The following LHFPL6 variants were observed in gnomAD, a reference collection of about 807,000 sequenced individuals.
LHFPL6 encodes LHFPL tetraspan subfamily member 6.
In LHFPL6, 9 loss-of-function variants were observed where a neutral mutation model predicts 20.6. The observed-to-expected ratio is 0.44, with a 90% CI of 0.26 to 0.76. The LOEUF (loss-of-function observed/expected upper bound fraction) is 0.76. LHFPL6 is among the 30% of genes least tolerant of loss of function. LHFPL6 has a pLI of 0.20. For synonymous variants in LHFPL6, 105 were observed against 98.7 expected, an observed-to-expected ratio of 1.06 and a Z score of -0.38; for missense variants, 218 against 253.5, an observed-to-expected ratio of 0.86 and a Z score of 0.95.
intron 3 of LHFPL6, among the ~76,000 whole-genome samples, chr13:39,362,504 G>A (rs1334055818): frequency 6.6e-6 from 1 of 152,182 alleles, no homozygotes; most frequent in East Asian, 1.9e-4. Context: ...ATATGTATAA[G>A]TATACACAAA....
chr13:39,400,761 C>A (rs1410821144), intron 2 of LHFPL6, among the ~76,000 whole-genome samples: 1 of 103,984 alleles, frequency 9.6e-6, no homozygotes, highest in South Asian at 3.6e-4. Flanking sequence ...CCAGCCTGGG[C>A]GACAGAGCGA....
chr13:39,496,820 T>C (rs140043168), intron 2 of LHFPL6, among the ~76,000 whole-genome samples: 94 of 152,298 alleles, frequency 6.2e-4, no homozygotes, highest in African/African-American at 1.8e-3. Flanking sequence ...GCATTTCCAA[T>C]GACCAACTGG....
chr13:39,496,744 A>T (rs542200318), intron 2 of LHFPL6, among the ~76,000 whole-genome samples: 40 of 152,328 alleles, frequency 2.6e-4, no homozygotes, highest in South Asian at 1.7e-3. Flanking sequence ...GGCTAATTAC[A>T]TCTCATTTTA....
intron 2 of LHFPL6, among the ~76,000 whole-genome samples, chr13:39,554,887 G>A (rs1871256984): frequency 6.6e-6 from 1 of 152,146 alleles, no homozygotes; most frequent in Non-Finnish European, 1.5e-5. Flanking sequence ...TGACAGCATG[G>A]CATATGAACC....
chr13:39,566,189 C>T (rs1217704467), intron 2 of LHFPL6, among the ~76,000 whole-genome samples: 1 of 152,172 alleles, frequency 6.6e-6, no homozygotes, highest in Non-Finnish European at 1.5e-5. Flanking sequence ...TCATACAGAA[C>T]TCTCAGCCCC....
intron 3 of LHFPL6, among the ~76,000 whole-genome samples, chr13:39,362,673 T>C (rs564606276): frequency 2.0e-5 from 3 of 152,342 alleles, no homozygotes; most frequent in Admixed American, 2.0e-4. Context: ...TCTGTGTGGC[T>C]CTGTTAAGCA....
intron 2 of LHFPL6, among the ~76,000 whole-genome samples, chr13:39,567,472 C>A (rs1043953114): frequency 6.6e-6 from 1 of 152,198 alleles, no homozygotes; most frequent in Non-Finnish European, 1.5e-5. Flanking sequence ...AGTAAACAAT[C>A]TCTCAGAGCA....
chr13:39,455,516 C>A (rs1289601107), intron 2 of LHFPL6, among the ~76,000 whole-genome samples: 2 of 152,120 alleles, frequency 1.3e-5, no homozygotes, highest in Non-Finnish European at 2.9e-5. Flanking sequence ...AAAATAATGA[C>A]CTTTATTCTA....
intron 2 of LHFPL6, among the ~76,000 whole-genome samples, chr13:39,579,884 G>A (rs1872227507): frequency 6.6e-6 from 1 of 152,150 alleles, no homozygotes; most frequent in Non-Finnish European, 1.5e-5. Context: ...CCAAAGCAAT[G>A]AATTTATAAA....
chr13:39,532,019 T>C (rs1056388917), intron 2 of LHFPL6, among the ~76,000 whole-genome samples: 5 of 152,178 alleles, frequency 3.3e-5, no homozygotes, highest in Non-Finnish European at 7.3e-5. Flanking sequence ...ATTTCAGCTG[T>C]ATGCAAACTA....
chr13:39,546,013 T>G (rs1223708846), intron 2 of LHFPL6, among the ~76,000 whole-genome samples: 1 of 152,158 alleles, frequency 6.6e-6, no homozygotes, highest in Non-Finnish European at 1.5e-5. Flanking sequence ...CAAGATTGTT[T>G]GAATCCACAG....
chr13:39,362,602 C>A (rs1227680956), intron 3 of LHFPL6, among the ~76,000 whole-genome samples: 5 of 152,164 alleles, frequency 3.3e-5, no homozygotes, highest in Non-Finnish European at 7.3e-5. Context: ...GAGACACCTG[C>A]ATAATGGCCA....
At chr13:39,601,911 G>T (rs1872963158) in intron 1 of LHFPL6, among the ~76,000 whole-genome samples, 1 of 152,096 alleles carries the variant, frequency 6.6e-6, no homozygotes, top group Admixed American at 6.6e-5. Flanking sequence ...AAGCATTATG[G>T]TCTGCGGAGG....
At chr13:39,378,344 T>C (rs771885501) in intron 3 of LHFPL6, 84 bp downstream of exon 3, 4 of 1,107,270 alleles carry the variant, frequency 3.6e-6, no homozygotes, top group Non-Finnish European at 5.4e-6. Flanking sequence ...TTTTCTTATC[T>C]GTCCCCTTTC....
intron 3 of LHFPL6, among the ~76,000 whole-genome samples, chr13:39,373,997 C>G (rs1246790524): frequency 6.6e-6 from 1 of 152,144 alleles, no homozygotes; most frequent in Admixed American, 6.5e-5. Flanking sequence ...AAAGAACTAC[C>G]ATTCAACCCA....
At chr13:39,552,149 T>C (rs545883368) in intron 2 of LHFPL6, among the ~76,000 whole-genome samples, 2 of 152,368 alleles carry the variant, frequency 1.3e-5, no homozygotes, top group African/African-American at 2.4e-5. Context: ...AGAAATTGTA[T>C]GTGATTATCT....
rs191130281 is a variant in LHFPL6 at position 39,483,456 on chromosome 13, T to C, written c.386-104930A>G. Among the ~76,000 whole-genome samples, 678 of 151,880 alleles carry C rather than the reference T, an allele frequency of 4.5e-3. 18 individuals carry two copies. Among genetic ancestry groups the C allele is most frequent in the Non-Finnish European group, 1.4e-3 (92 of 67,994 alleles). The stretch of plus-strand genomic sequence containing the variant: ...ATACAAAAACAATTGGCCTAGAATA[T>C]TCCAAACTCCTGTCTTCCTCATTAC... On this transcript the variant is annotated intron_variant, in intron 2 of 3. Transcript: ENST00000379589.
intron 2 of LHFPL6, among the ~76,000 whole-genome samples, chr13:39,524,682 T>G (rs1870231871): frequency 6.6e-6 from 1 of 152,224 alleles, no homozygotes; most frequent in Non-Finnish European, 1.5e-5. Flanking sequence ...CATGCTTGAT[T>G]GCTTTGCTCC....
chr13:39,579,331 A>G (rs529030912), intron 2 of LHFPL6, among the ~76,000 whole-genome samples: 2 of 152,270 alleles, frequency 1.3e-5, no homozygotes, highest in South Asian at 4.2e-4. Context: ...ACTAAACGAG[A>G]ACAATATTTA....
Sources: gnomAD v4.1 joint callset for allele counts (sites outside exome capture counted in the v4.1 genomes callset) on GRCh38, gnomAD v4.1.1 for gene constraint, MANE v1.5 for transcripts, NCBI Gene and HGNC (gene_info 2026-07-23, HGNC 2026-07-21) for gene names.